MYO3B: variants seen among roughly 807,000 people sequenced by gnomAD.
The protein encoded by MYO3B is myosin IIIB.
Under a neutral mutation model 174.6 loss-of-function variants are expected in MYO3B, and 156 were observed. That is an observed-to-expected ratio of 0.89 (90% CI 0.78 to 1.02). The LOEUF (loss-of-function observed/expected upper bound fraction) is 1.02. MYO3B is among the 50% of genes least tolerant of loss of function. The pLI, the probability that MYO3B is intolerant of heterozygous loss-of-function variation, is 0.00. For missense variants in MYO3B, 1,632 were observed against 1,639.4 expected, an observed-to-expected ratio of 1.00 and a Z score of 0.08; for synonymous variants, 563 against 569.1, an observed-to-expected ratio of 0.99 and a Z score of 0.15.
chr2:170,268,839 A>C (rs2093403803), intron 7 of MYO3B, among the ~76,000 whole-genome samples: 1 of 152,222 alleles, frequency 6.6e-6, no homozygotes, highest in Admixed American at 6.5e-5. Context: ...AAGAAGACAA[A>C]GGATAGAAAT....
intron 25 of MYO3B, among the ~76,000 whole-genome samples, chr2:170,473,901 GTACATT>G (rs1010970965): frequency 6.6e-6 from 1 of 152,096 alleles, no homozygotes; most frequent in African/African-American, 2.4e-5. Context: ...CACAGCCTAC[GTACATT>G]TTATGAAAGC....
intron 12 of MYO3B, 47 bp downstream of exon 12, chr2:170,383,861 G>A (rs2094354155): frequency 8.3e-6 from 12 of 1,440,998 alleles, no homozygotes; most frequent in Non-Finnish European, 1.2e-5. Flanking sequence ...GTTAAGACAT[G>A]TTGTGTCTTC....
At chr2:170,413,491 C>T (rs1263442351) in intron 22 of MYO3B, among the ~76,000 whole-genome samples, 12 of 152,052 alleles carry the variant, frequency 7.9e-5, no homozygotes, top group African/African-American at 2.9e-4. Context: ...GGGCTGTGCT[C>T]TTGAAGAGCA....
At position 170,407,679 on chromosome 2, in the gene MYO3B, A is replaced by G. The variant is rs781275875; in HGVS notation, c.2521-36A>G. 4.4e-6 allele frequency: 7 copies of G among 1,607,932 alleles called. No individual in the cohort carries two copies. In the Middle Eastern group the frequency reaches 4.9e-4, roughly 114 times the overall value. On this transcript the variant is annotated intron_variant, in intron 21 of 34. Coordinates refer to ENST00000408978, the MANE Select transcript of MYO3B (RefSeq NM_138995.5). ...CAGTGTCACCAATGACGGACAGTTG[A>G]CTTGGCTAATTTGCCGTTTGCTATT...
intron 32 of MYO3B, chr2:170,602,135 G>A (rs1238490274): frequency 8.9e-6 from 11 of 1,242,190 alleles, no homozygotes; most frequent in African/African-American, 1.5e-5. Flanking sequence ...GAGGCATCTG[G>A]GTGCTTCTTC....
chr2:170,334,206 A>G (rs1476275463), intron 7 of MYO3B: 2 of 152,220 alleles, frequency 1.3e-5, no homozygotes, highest in Non-Finnish European at 2.9e-5. Flanking sequence ...GAAATACCAT[A>G]TAATACTTCT....
chr2:170,370,822 A>T (rs985911233), intron 9 of MYO3B, among the ~76,000 whole-genome samples: 1 of 151,382 alleles, frequency 6.6e-6, no homozygotes, highest in African/African-American at 2.4e-5. Flanking sequence ...GATTTCTAAG[A>T]CTTCATTTGC....
chr2:170,481,812 AG>A (rs1685706000), intron 25 of MYO3B, among the ~76,000 whole-genome samples: 1 of 152,036 alleles, frequency 6.6e-6, no homozygotes. Flanking sequence ...CGTTTCCATC[AG>A]CTTTTCTTTG....
intron 6 of MYO3B, among the ~76,000 whole-genome samples, chr2:170,228,436 C>T (rs1371145988): frequency 6.6e-6 from 1 of 152,190 alleles, no homozygotes; most frequent in Non-Finnish European, 1.5e-5. Context: ...TGCACTGGGT[C>T]TCCAAGCAAA....
At chr2:170,244,736 T>A (rs1243366900) in intron 7 of MYO3B, among the ~76,000 whole-genome samples, 1 of 152,216 alleles carries the variant, frequency 6.6e-6, no homozygotes, top group African/African-American at 2.4e-5. Context: ...TCACTAGGAA[T>A]TAGCACGGGT....
At chr2:170,589,102 C>T (rs542032160) in intron 32 of MYO3B, among the ~76,000 whole-genome samples, 8 of 152,088 alleles carry the variant, frequency 5.3e-5, no homozygotes, top group East Asian at 1.9e-4. Flanking sequence ...GAAAAGGAAA[C>T]TACAGGAGAA....
chr2:170,413,616 A>T (rs1429445549), intron 22 of MYO3B, among the ~76,000 whole-genome samples: 2 of 151,314 alleles, frequency 1.3e-5, no homozygotes, highest in East Asian at 1.9e-4. Context: ...GTGCTCAGTT[A>T]ATACTTTCAC....
At chr2:170,411,943 T>C (rs2105828160) in intron 22 of MYO3B, 1 of 152,366 alleles carries the variant, frequency 6.6e-6, no homozygotes, top group Non-Finnish European at 1.5e-5. Flanking sequence ...TCTCTTCTCA[T>C]GCTTATGCAG....
At chr2:170,631,776 C>A (rs1033309266) in intron 32 of MYO3B, among the ~76,000 whole-genome samples, 1 of 152,006 alleles carries the variant, frequency 6.6e-6, no homozygotes, top group African/African-American at 2.4e-5. Flanking sequence ...GAGACACACA[C>A]AGGCTCAAAA....
At chr2:170,431,477 C>T (rs1195246889) in intron 22 of MYO3B, among the ~76,000 whole-genome samples, 4 of 152,158 alleles carry the variant, frequency 2.6e-5, no homozygotes, top group African/African-American at 4.8e-5. Flanking sequence ...TATTTTTTCC[C>T]TAGCTCTACA....
At chr2:170,301,833 G>C (rs542280579) in intron 7 of MYO3B, among the ~76,000 whole-genome samples, 1 of 148,962 alleles carries the variant, frequency 6.7e-6, no homozygotes, top group Non-Finnish European at 1.5e-5. Flanking sequence ...AAGCCTACAG[G>C]AAACGAGCGA....
chr2:170,368,466 G>T (rs936820709), intron 8 of MYO3B, among the ~76,000 whole-genome samples: 1 of 152,192 alleles, frequency 6.6e-6, no homozygotes, highest in Non-Finnish European at 1.5e-5. Flanking sequence ...AACACAGAAG[G>T]TGCAGCAAAA....
intron 22 of MYO3B, among the ~76,000 whole-genome samples, chr2:170,439,971 T>C (rs2094787174): frequency 6.6e-6 from 1 of 152,226 alleles, no homozygotes; most frequent in South Asian, 2.1e-4. Context: ...TGAGCCACCA[T>C]GCCTGGCTAT....
chr2:170,297,713 A>G (rs2093637735), intron 7 of MYO3B, among the ~76,000 whole-genome samples: 1 of 152,176 alleles, frequency 6.6e-6, no homozygotes, highest in African/African-American at 2.4e-5. Context: ...TTCCAGAAAT[A>G]TATAGAGTAA....
Sources: gnomAD v4.1 joint callset for allele counts (sites outside exome capture counted in the v4.1 genomes callset) on GRCh38, gnomAD v4.1.1 for gene constraint, MANE v1.5 for transcripts, NCBI Gene and HGNC (gene_info 2026-07-23, HGNC 2026-07-21) for gene names.